The following CKM variants were observed in gnomAD, a reference collection of about 807,000 sequenced individuals.
The protein encoded by CKM is creatine kinase M-type.
A neutral mutation model predicts 35.4 loss-of-function variants in CKM; 28 were observed. The ratio of observed to expected loss-of-function variants is 0.79; its 90% CI spans 0.59 to 1.08. The LOEUF is 1.08. Ranked by LOEUF, CKM falls within the 50% of genes least tolerant of loss-of-function variation. The pLI, the probability that CKM is intolerant of heterozygous loss-of-function variation, is 0.00. For missense variants in CKM, 484 were observed against 509.8 expected (o/e 0.95, Z 0.49); for synonymous variants, 215 against 204.4 (o/e 1.05, Z -0.44).
At chr19:45,316,621 T>C (rs1239124636) in intron 3 of CKM, among the ~76,000 whole-genome samples, 1 of 151,802 alleles carries the variant, frequency 6.6e-6, no homozygotes, top group Non-Finnish European at 1.5e-5. Context: ...CCAGCCTTTC[T>C]GCCCATTTCT....
intron 4 of CKM, among the ~76,000 whole-genome samples, 156 bp from the exon 5 acceptor site, chr19:45,312,076 G>A (rs1242421996): frequency 6.6e-6 from 1 of 152,194 alleles, no homozygotes; most frequent in African/African-American, 2.4e-5. Flanking sequence ...ACCCACACTT[G>A]TGACGGCTCC....
chr19:45,310,232 T>C (rs982625075), intron 5 of CKM, among the ~76,000 whole-genome samples: 2 of 149,508 alleles, frequency 1.3e-5, no homozygotes, highest in Non-Finnish European at 3.0e-5. Context: ...GCCATTCTCC[T>C]GCCTCAGCCT....
intron 4 of CKM, 67 bp downstream of exon 4, chr19:45,315,398 A>G: frequency 1.3e-6 from 2 of 1,559,954 alleles, no homozygotes; most frequent in Non-Finnish European, 1.7e-6. Context: ...AGACCCGAGG[A>G]CCTGCCCATG....
intron 2 of CKM, among the ~76,000 whole-genome samples, chr19:45,318,967 A>G (rs1971185378): frequency 6.7e-6 from 1 of 150,272 alleles, no homozygotes; most frequent in African/African-American, 2.5e-5. Context: ...CGATCCTCCC[A>G]CCGCAGCCTC....
At chr19:45,316,057 C>T (rs1056145268) in intron 3 of CKM, among the ~76,000 whole-genome samples, 1 of 151,830 alleles carries the variant, frequency 6.6e-6, no homozygotes, top group African/African-American at 2.4e-5. Flanking sequence ...GGGCTGGGCG[C>T]GGTGGCTCAC....
Position 45,319,513 on chromosome 19 carries a change from A to G in CKM, c.193+8T>C, listed in dbSNP as rs1319356928. 4 of 1,610,856 alleles carry G rather than the reference A, an allele frequency of 2.5e-6. No individual in the cohort carries two copies. In the Admixed American group the frequency reaches 6.7e-5, roughly 27 times the overall value. ...TAGCCCCTTCAGTGCTCCACTGGGG[A>G]GGCTCACCTGGGTTGTCCACTCCTG... On this transcript the variant is annotated splice_region_variant and intron_variant, in intron 2 of 7. Coordinates refer to ENST00000221476, the MANE Select transcript of CKM (RefSeq NM_001824.5).
At chr19:45,308,645 G>A in intron 5 of CKM, 113 bp from the exon 6 acceptor site, 1 of 1,389,426 alleles carries the variant, frequency 7.2e-7, no homozygotes. Context: ...CTGAGGGGTG[G>A]GAGGTGGGTG....
At chr19:45,311,640 A>T (rs756624202) in intron 5 of CKM, 109 bp downstream of exon 5, 5 of 911,440 alleles carry the variant, frequency 5.5e-6, no homozygotes, top group Non-Finnish European at 8.3e-6. Flanking sequence ...CATTTAGAAG[A>T]TCATAATTAC....
At chr19:45,321,276 G>A (rs1971211713) in intron 1 of CKM, among the ~76,000 whole-genome samples, 2 of 151,906 alleles carry the variant, frequency 1.3e-5, no homozygotes, top group Middle Eastern at 3.4e-3. Flanking sequence ...CTGGGAGTAT[G>A]TGAGCAGGTT....
rs367653873 is a variant in CKM, at chr19:45,310,982, G to A, written c.653+767C>T. ...GTTTTAGTAGAGACGGGGTTTCACCGTGTTAGCCAGGATGGTGTCAATCTC... is the reference window on the plus strand; with the variant it reads ...GTTTTAGTAGAGACGGGGTTTCACCATGTTAGCCAGGATGGTGTCAATCTC... On this transcript the variant is annotated intron_variant, in intron 5 of 7. Coordinates refer to ENST00000221476, the MANE Select transcript of CKM (RefSeq NM_001824.5). Among the ~76,000 whole-genome samples the A allele has an allele frequency of 1.9e-4, 27 of 139,452 alleles. 1 individual carries two copies. The highest frequency in any genetic ancestry group is 4.7e-4 in the African/African-American group (17 of 36,464). The allele number at this position is 139,452 out of a possible 152,430, so 91.5% of individuals were successfully genotyped here. A position where few individuals can be genotyped will look rare whatever the true frequency, so the allele number is the denominator to read the frequency against.
rs111260187 is a variant in CKM at position 45,312,653 on chromosome 19, TA to T, written c.482-734del. 7.5e-3 allele frequency among the ~76,000 whole-genome samples: 1,082 copies of T among 145,058 alleles called. 11 individuals are homozygous for T. Among genetic ancestry groups the T allele is most frequent in the African/African-American group, 0.024 (973 of 39,982 alleles). Reference sequence around the variant, plus strand: ...GCGCCTGGCCCAAGACCCCAATCTTTAAAAAAAAAAAAATTGTAGGCTGGGC... The same window carrying T: ...GCGCCTGGCCCAAGACCCCAATCTTTAAAAAAAAAAAATTGTAGGCTGGGC... On this transcript the variant is annotated intron_variant, in intron 4 of 7. Transcript: ENST00000221476.
At chr19:45,319,222 CT>C (rs1971187737) in intron 2 of CKM, among the ~76,000 whole-genome samples, 1 of 152,216 alleles carries the variant, frequency 6.6e-6, no homozygotes. Context: ...CAGCCATTGA[CT>C]TGTGTTTTCA....
At position 45,317,973 on chromosome 19, in the gene CKM, G is replaced by A; in HGVS notation, c.200C>T (p.Pro67Leu). ...IQTGVDNPGHPFIMTVGCVAG... is the reference protein window; with the variant it reads ...IQTGVDNPGHLFIMTVGCVAG... ...CACGCAGCCCACGGTCATGATGAAG[G>A]GGTGACCTGGAGGGGTGGGGGTGAG... is the stretch of plus-strand genomic sequence containing the variant. The change falls in exon 3 of 8, where the codon CCC becomes CTC. Residue 67 changes from proline to leucine, a missense_variant. Pro to Leu is a moderately conservative substitution (Grantham distance 98). Coordinates refer to ENST00000221476, the MANE Select transcript of CKM (RefSeq NM_001824.5). 6.2e-7 allele frequency: 1 copy of A among 1,613,958 alleles called. No homozygotes were observed. Among genetic ancestry groups the A allele is most frequent in the Non-Finnish European group, 8.5e-7 (1 of 1,179,942 alleles).
Position 45,307,548 on chromosome 19 carries a change from C to T in CKM, c.880G>A (p.Gly294Ser). The change falls in exon 7 of 8, where the codon GGC becomes AGC. Residue 294 changes from glycine to serine, a missense_variant. Coordinates refer to ENST00000221476, the MANE Select transcript of CKM (RefSeq NM_001824.5). ...AGGTGCGCCAGCTTCACATGCACGC[C>T]TCCACGCAGCCCAGTGCCCAGGTTG... ...PSNLGTGLRGGVHVKLAHLSK... is the reference protein window; with the variant it reads ...PSNLGTGLRGSVHVKLAHLSK... 1 of 1,614,170 alleles carries T rather than the reference C, an allele frequency of 6.2e-7. No individual in the cohort carries two copies. Among genetic ancestry groups the T allele is most frequent in the South Asian group, 1.1e-5 (1 of 91,082 alleles).
chr19:45,319,720 G>T lies in CKM; in HGVS notation c.-7C>A, dbSNP rs775525357. 4 of 1,613,978 alleles carry T rather than the reference G, an allele frequency of 2.5e-6. No homozygotes were observed. The African/African-American group carries it at 5.3e-5, about 22-fold the overall frequency. ...GGGTGTTACCGAATGGCATGGTGGC[G>T]GTGTAGGAGACCTGATGGGCAGGGC... On this transcript the variant is annotated 5_prime_UTR_variant, in exon 2 of 8. Coordinates refer to ENST00000221476, the MANE Select transcript of CKM (RefSeq NM_001824.5).
At chr19:45,319,979 C>T (rs1208604293) in intron 1 of CKM, among the ~76,000 whole-genome samples, 11 of 151,534 alleles carry the variant, frequency 7.3e-5, no homozygotes, top group Non-Finnish European at 1.3e-4. Context: ...TTAGTAGAGA[C>T]GGGGTTTCAC....
intron 3 of CKM, among the ~76,000 whole-genome samples, chr19:45,316,017 TTAAAA>T (rs1405929104): frequency 6.6e-6 from 1 of 151,410 alleles, no homozygotes; most frequent in Non-Finnish European, 1.5e-5. Flanking sequence ...TTCGGCTAAC[TTAAAA>T]TAAATTTTTT....
chr19:45,319,376 T>C (rs1971189199), intron 2 of CKM, 145 bp downstream of exon 2: 1 of 666,490 alleles, frequency 1.5e-6, no homozygotes, highest in East Asian at 2.7e-5. Context: ...TTATGTATAT[T>C]AATGCATTGA....
At position 45,315,579 on chromosome 19, in the gene CKM, G is replaced by T. The variant is rs2123140441; in HGVS notation, c.367C>A (p.Pro123Thr). 6.2e-7 allele frequency: 1 copy of T among 1,604,000 alleles called. No individual in the cohort carries two copies. Among genetic ancestry groups the T allele is most frequent in the East Asian group, 2.2e-5 (1 of 44,872 alleles). The change falls in exon 4 of 8, where the codon CCT becomes ACT. Residue 123 changes from proline to threonine, a missense_variant. Pro to Thr is a conservative substitution (Grantham distance 38). Coordinates refer to ENST00000221476, the MANE Select transcript of CKM (RefSeq NM_001824.5). ...ACGCGGCTGCTGAGCACGTAGTTAG[G>T]GTCCAGGTCGTCTCCACCCTGGAGA... ...ENLKGGDDLD[P>T]NYVLSSRVRT...
Sources: gnomAD v4.1 joint callset for allele counts (sites outside exome capture counted in the v4.1 genomes callset) on GRCh38, gnomAD v4.1.1 for gene constraint, MANE v1.5 for transcripts, NCBI Gene and HGNC (gene_info 2026-07-23, HGNC 2026-07-21) for gene names.